DMD: variants seen among roughly 807,000 people sequenced by gnomAD.
The protein encoded by DMD is mutant dystrophin.
DMD carries 63 observed loss-of-function variants against 330.1 expected under a neutral mutation model. That is an observed-to-expected ratio of 0.19 (90% confidence interval 0.16 to 0.24). The LOEUF (loss-of-function observed/expected upper bound fraction) is 0.24, where lower values mean the gene tolerates loss of function less well. Among genes scored for constraint, DMD ranks in the 10% least tolerant of loss-of-function variants. The pLI is 1.00. For synonymous variants in DMD, 1,223 were observed against 959.8 expected, an observed-to-expected ratio of 1.27 and a Z score of -5.07; for missense variants, 3,344 against 2,684.1, an observed-to-expected ratio of 1.25 and a Z score of -5.43.
intron 55 of DMD, among the ~76,000 whole-genome samples, chrX:31,617,564 C>T (rs1424188072): frequency 2.6e-5 from 2 of 76,197 alleles, no homozygotes; most frequent in African/African-American, 9.6e-5. Flanking sequence ...AAAAAAAAGT[C>T]AAAAAATACC....
rs183119634 is a variant in DMD at position 32,277,869 on chromosome X, T to C, written c.6290+9660A>G. 1.1e-4 allele frequency among the ~76,000 whole-genome samples: 12 copies of C among 109,959 alleles called. No individual in the cohort carries two copies. The East Asian group carries it at 3.5e-3, about 32-fold the overall frequency. ...TGCTTCTATCAAAAAAGAAAAAAAC[T>C]TCAAATAAATCACCTAACAATGCAA... is the stretch of plus-strand genomic sequence containing the variant. On this transcript the variant is annotated intron_variant, in intron 43 of 78. Transcript: ENST00000357033.
chrX:33,124,489 A>ACAAAAAC (rs1435667924), intron 1 of DMD, among the ~76,000 whole-genome samples: 5 of 103,842 alleles, frequency 4.8e-5, no homozygotes, highest in African/African-American at 1.8e-4. Context: ...AAAAAAAAAA[A>ACAAAAAC]AAAAAAAAAA....
chrX:32,533,248 G>C (rs1191998346), intron 17 of DMD, among the ~76,000 whole-genome samples: 2 of 111,089 alleles, frequency 1.8e-5, no homozygotes, highest in African/African-American at 6.6e-5. Flanking sequence ...ATGACCAGAA[G>C]GTTTAAGTCT....
intron 55 of DMD, among the ~76,000 whole-genome samples, chrX:31,561,824 A>G (rs1361172289): frequency 8.9e-6 from 1 of 111,985 alleles, no homozygotes; most frequent in African/African-American, 3.2e-5. Flanking sequence ...AAACCAACAT[A>G]TTCAGTTTTC....
intron 55 of DMD, among the ~76,000 whole-genome samples, chrX:31,580,212 G>C (rs971550824): frequency 8.9e-6 from 1 of 112,167 alleles, no homozygotes; most frequent in Non-Finnish European, 1.9e-5. Flanking sequence ...TAACATCTTC[G>C]AGGGGCCCAT....
At chrX:32,723,392 C>T (rs370793857) in intron 7 of DMD, among the ~76,000 whole-genome samples, 2 of 111,182 alleles carry the variant, frequency 1.8e-5, no homozygotes, top group African/African-American at 6.5e-5. Flanking sequence ...TCTTCTCTTG[C>T]GGTGTCTGTT....
intron 44 of DMD, among the ~76,000 whole-genome samples, chrX:32,095,398 T>G (rs2096498519): frequency 9.0e-6 from 1 of 111,730 alleles, no homozygotes; most frequent in Non-Finnish European, 1.9e-5. Flanking sequence ...TTTCAGAAAA[T>G]TCTCTAAGTA....
intron 44 of DMD, among the ~76,000 whole-genome samples, chrX:32,154,880 C>A (rs2096823056): frequency 1.8e-5 from 2 of 109,190 alleles, no homozygotes; most frequent in Admixed American, 2.0e-4. Flanking sequence ...TTGCCTGTTA[C>A]TGTTAAACTC....
At chrX:32,754,559 T>C (rs1376754301) in intron 7 of DMD, among the ~76,000 whole-genome samples, 2 of 98,135 alleles carry the variant, frequency 2.0e-5, no homozygotes, top group African/African-American at 7.8e-5. Flanking sequence ...AAAAAAAAAA[T>C]AGGTGCCACA....
chrX:31,608,254 T>C (rs1361790422), intron 55 of DMD, among the ~76,000 whole-genome samples: 1 of 111,920 alleles, frequency 8.9e-6, no homozygotes, highest in Non-Finnish European at 1.9e-5. Context: ...TATTAGGCAA[T>C]ATTTTGATAT....
At chrX:31,974,508 C>CT (rs1181247777) in intron 44 of DMD, among the ~76,000 whole-genome samples, 29 of 104,651 alleles carry the variant, frequency 2.8e-4, no homozygotes, top group South Asian at 8.1e-4. Context: ...CTCCTGTTAT[C>CT]TTTTTTTTTT....
At chrX:31,231,562 C>A (rs1388901773) in intron 63 of DMD, among the ~76,000 whole-genome samples, 1 of 111,984 alleles carries the variant, frequency 8.9e-6, no homozygotes, top group Non-Finnish European at 1.9e-5. Context: ...TGCAGTGTAG[C>A]GAAGGAGATG....
chrX:32,866,742 T>TGGG (rs61420337), intron 2 of DMD, among the ~76,000 whole-genome samples: 1 of 37,287 alleles, frequency 2.7e-5, no homozygotes, highest in African/African-American at 1.5e-4. Flanking sequence ...GGTGGGGGGG[T>TGGG]GGGGGGGGGG....
intron 47 of DMD, among the ~76,000 whole-genome samples, chrX:31,896,358 A>C (rs961023322): frequency 3.6e-5 from 4 of 111,938 alleles, no homozygotes; most frequent in African/African-American, 1.3e-4. Flanking sequence ...GAGGTGCTGA[A>C]AGAGGATGCA....
At chrX:33,113,123 G>A (rs1438650350) in intron 1 of DMD, among the ~76,000 whole-genome samples, 3 of 101,672 alleles carry the variant, frequency 3.0e-5, no homozygotes, top group African/African-American at 7.3e-5. Flanking sequence ...GCTCAATCTC[G>A]GCTCACTGCG....
At chrX:32,363,772 C>A (rs2097845187) in intron 36 of DMD, among the ~76,000 whole-genome samples, 1 of 111,705 alleles carries the variant, frequency 9.0e-6, no homozygotes, top group Non-Finnish European at 1.9e-5. Context: ...AAATAAATTG[C>A]ATAGAAAGAA....
chrX:32,703,319 G>C (rs914899626), intron 7 of DMD, among the ~76,000 whole-genome samples: 3 of 111,359 alleles, frequency 2.7e-5, no homozygotes, highest in African/African-American at 9.8e-5. Flanking sequence ...AAACTGTAAA[G>C]TTTGTTGAAC....
chrX:32,063,938 T>G (rs1047662312), intron 44 of DMD, among the ~76,000 whole-genome samples: 2 of 111,360 alleles, frequency 1.8e-5, no homozygotes, highest in Admixed American at 1.9e-4. Flanking sequence ...TGAGTTTACA[T>G]TTTAAACTTG....
intron 59 of DMD, among the ~76,000 whole-genome samples, chrX:31,456,938 C>T (rs2066228246): frequency 1.9e-5 from 2 of 105,362 alleles, no homozygotes; most frequent in Non-Finnish European, 3.9e-5. Context: ...AACACACTCA[C>T]AATCATTAGC....
Sources: allele counts gnomAD v4.1 joint callset (sites outside exome capture counted in the v4.1 genomes callset), GRCh38; gene constraint gnomAD v4.1.1; transcripts MANE v1.5; gene names NCBI Gene and HGNC (gene_info 2026-07-23, HGNC 2026-07-21).